SASH1: variants seen among roughly 807,000 people sequenced by gnomAD.
SASH1 encodes SAM and SH3 domain containing 1, also known as SAM and SH3 domain-containing protein 1.
In SASH1, 44 loss-of-function variants were observed where a neutral mutation model predicts 125.2. The observed-to-expected ratio is 0.35, with a 90% CI of 0.28 to 0.45. The LOEUF is 0.45. Among genes scored for constraint, SASH1 ranks in the 20% least tolerant of loss-of-function variants. SASH1 has a pLI of 1.00. For synonymous variants in SASH1, 639 were observed against 649.1 expected, an observed-to-expected ratio of 0.98 and a Z score of 0.24; for missense variants, 1,426 against 1,614.5, an observed-to-expected ratio of 0.88 and a Z score of 2.00.
chr6:148,521,610 A>T (rs1040034355), intron 10 of SASH1, among the ~76,000 whole-genome samples: 4 of 152,166 alleles, frequency 2.6e-5, no homozygotes, highest in African/African-American at 9.7e-5. Context: ...ATGTAGCAGG[A>T]ACTTTTCTTC....
intron 8 of SASH1, among the ~76,000 whole-genome samples, chr6:148,504,061 A>G (rs573250028): frequency 6.6e-6 from 1 of 152,340 alleles, no homozygotes; most frequent in East Asian, 1.9e-4. Flanking sequence ...GAATCTAGCA[A>G]TGCCAATATA....
intron 8 of SASH1, among the ~76,000 whole-genome samples, chr6:148,507,220 G>A (rs1038024163): frequency 4.6e-5 from 7 of 152,146 alleles, no homozygotes; most frequent in Non-Finnish European, 7.4e-5. Flanking sequence ...AGTGAGAGAC[G>A]CCAGCCCGCC....
chr6:148,423,239 A>T (rs1775655143), intron 2 of SASH1, among the ~76,000 whole-genome samples: 1 of 152,162 alleles, frequency 6.6e-6, no homozygotes, highest in East Asian at 1.9e-4. Flanking sequence ...GCCCAGCCCC[A>T]TGTGTTTTTT....
At chr6:148,216,874 G>A in the SASH1 span, among the ~76,000 whole-genome samples, 2 of 151,996 alleles carry the variant, frequency 1.3e-5, no homozygotes, top group Non-Finnish European at 2.9e-5. Flanking sequence ...GGAATTACAG[G>A]TGCTCACCAT....
At chr6:148,427,621 T>G (rs1775882323) in intron 2 of SASH1, among the ~76,000 whole-genome samples, 1 of 152,152 alleles carries the variant, frequency 6.6e-6, no homozygotes, top group African/African-American at 2.4e-5. Context: ...AAAGACAGTT[T>G]AGACATTAAA....
chr6:148,250,110 G>C, the SASH1 span, among the ~76,000 whole-genome samples: 2 of 152,146 alleles, frequency 1.3e-5, no homozygotes, highest in African/African-American at 2.4e-5. Flanking sequence ...TCTTAGCATT[G>C]CCAGTCACTT....
chr6:148,306,888 T>C (rs1180521892), intron 1 of SASH1, among the ~76,000 whole-genome samples: 1 of 152,110 alleles, frequency 6.6e-6, no homozygotes. Context: ...TGCAATGTGC[T>C]CAAGCAGAGG....
At chr6:148,361,868 G>A (rs372737511) in intron 1 of SASH1, among the ~76,000 whole-genome samples, 87 of 151,940 alleles carry the variant, frequency 5.7e-4, no homozygotes, top group Middle Eastern at 6.8e-3. Flanking sequence ...AGGGAAGCAC[G>A]GTTTCCCTGA....
At chr6:148,506,866 G>C (rs1396102622) in intron 8 of SASH1, among the ~76,000 whole-genome samples, 1 of 152,178 alleles carries the variant, frequency 6.6e-6, no homozygotes, top group East Asian at 1.9e-4. Context: ...GTTGAGGTAG[G>C]GTAGTGGCAC....
In SASH1 at chr6:148,544,576, C is replaced by G. The variant is rs752488981; in HGVS notation, c.3106C>G (p.Pro1036Ala). 1 of 1,613,278 alleles carries G rather than the reference C, an allele frequency of 6.2e-7. No individual in the cohort carries two copies. The highest frequency in any genetic ancestry group is 1.1e-5 in the South Asian group (1 of 91,068). Residue 1036 changes from proline (P) to alanine (A), a missense_variant, in exon 18 of 20, where the codon CCC becomes GCC. By Grantham distance (27) the Pro-to-Ala change is conservative. Around this residue, in one of 3 missense-constraint regions of SASH1, gnomAD observed 634 missense variants for 694.4 expected, o/e 0.91. Transcript: ENST00000367467. This position sits in a 1 kb window ranked among gnomAD's most constrained non-coding sequence, Gnocchi z 6.4. ...CAGCCCCACCAGCCCTAGCGACTGTCCCCCAGCACTGGCTCCCAGGCCTCT... is the reference window on the plus strand; with the variant it reads ...CAGCCCCACCAGCCCTAGCGACTGTGCCCCAGCACTGGCTCCCAGGCCTCT... Reference protein sequence around the residue: ...PASPTSPSDCPPALAPRPLSG... With the variant: ...PASPTSPSDCAPALAPRPLSG...
chr6:148,363,612 T>G (rs7761406), intron 1 of SASH1, among the ~76,000 whole-genome samples: 107,126 of 151,676 alleles, frequency 0.71, 38,147 homozygotes, highest in African/African-American at 0.79. Flanking sequence ...ATCTTGGCCA[T>G]GCTGGTCTTG....
In SASH1 at chr6:148,370,494, T is replaced by G. The variant is rs374222637; in HGVS notation, c.157-19640T>G. Among the ~76,000 whole-genome samples, 86 of 152,322 alleles carry G rather than the reference T, an allele frequency of 5.6e-4. 3 individuals carry two copies. In the South Asian group the frequency reaches 0.018, roughly 31 times the overall value. On this transcript the variant is annotated intron_variant, in intron 1 of 19. Coordinates refer to ENST00000367467, the MANE Select transcript of SASH1 (RefSeq NM_015278.5). ...ATCTTGGTTTTCTCCTATTAAATTC[T>G]CTCTTTGCTTTGGAGTCTCATGCTT...
chr6:148,359,112 A>ATATG (rs35539411), intron 1 of SASH1, among the ~76,000 whole-genome samples: 3 of 151,728 alleles, frequency 2.0e-5, no homozygotes, highest in South Asian at 2.1e-4. Flanking sequence ...ATGTATATAT[A>ATATG]GGCATACTTC....
At chr6:148,441,878 G>A (rs1280447494) in intron 4 of SASH1, among the ~76,000 whole-genome samples, 1 of 152,188 alleles carries the variant, frequency 6.6e-6, no homozygotes, top group African/African-American at 2.4e-5. Flanking sequence ...GAGAGAGACT[G>A]ATGGCCTCCT....
At chr6:148,468,400 A>G in intron 4 of SASH1, 145 bp from the exon 5 acceptor site, 2 of 615,492 alleles carry the variant, frequency 3.2e-6, no homozygotes, top group African/African-American at 1.9e-5. Context: ...GCAGATGGGT[A>G]GAAAAAGCCA....
the SASH1 span, among the ~76,000 whole-genome samples, chr6:148,198,837 G>A: frequency 6.6e-6 from 1 of 152,114 alleles, no homozygotes; most frequent in Non-Finnish European, 1.5e-5. Context: ...GTTTTGTTTT[G>A]TTTTGTTTGA....
intron 1 of SASH1, among the ~76,000 whole-genome samples, chr6:148,300,006 G>A (rs917019817): frequency 1.3e-5 from 2 of 152,072 alleles, no homozygotes; most frequent in African/African-American, 4.8e-5. Context: ...TATCAGTTTG[G>A]CAACACACTG....
chr6:148,466,169 A>G (rs148114706), intron 4 of SASH1, among the ~76,000 whole-genome samples: 2 of 152,320 alleles, frequency 1.3e-5, no homozygotes, highest in East Asian at 1.9e-4. Context: ...TTTTCCTTAC[A>G]TGTTCTGTAT....
intron 1 of SASH1, among the ~76,000 whole-genome samples, chr6:148,326,639 T>G (rs1780838677): frequency 6.6e-6 from 1 of 151,544 alleles, no homozygotes; most frequent in Non-Finnish European, 1.5e-5. Context: ...TGACCTCAGG[T>G]GATCCGCCTG....
Sources: gnomAD v4.1 joint callset for allele counts (sites outside exome capture counted in the v4.1 genomes callset) on GRCh38, gnomAD v4.1.1 for gene constraint, gnomAD v4.1.1 regional missense constraint, Gnocchi (gnomAD v3.1) non-coding constraint, MANE v1.5 for transcripts, NCBI Gene and HGNC (gene_info 2026-07-23, HGNC 2026-07-21) for gene names.